The following KLHL1 variants were observed in gnomAD, a reference collection of about 807,000 sequenced individuals.
KLHL1 encodes kelch-like protein 1.
In KLHL1, 47 loss-of-function variants were observed where a neutral mutation model predicts 77.7. That is an observed-to-expected ratio of 0.60 (90% CI 0.48 to 0.77). KLHL1 has a LOEUF of 0.77. Among genes scored for constraint, KLHL1 ranks in the 30% least tolerant of loss-of-function variants. KLHL1 has a pLI of 0.00. For synonymous variants in KLHL1, 360 were observed against 325.2 expected, an observed-to-expected ratio of 1.11 and a Z score of -1.15; for missense variants, 925 against 910.8, an observed-to-expected ratio of 1.02 and a Z score of -0.20.
chr13:70,009,964 A>T (rs1885492593), intron 1 of KLHL1, among the ~76,000 whole-genome samples: 1 of 152,164 alleles, frequency 6.6e-6, no homozygotes, highest in African/African-American at 2.4e-5. Context: ...TCACATTTTA[A>T]GAGTAACCAA....
intron 5 of KLHL1, 39 bp downstream of exon 5, chr13:69,882,244 G>T: frequency 7.3e-7 from 1 of 1,367,694 alleles, no homozygotes; most frequent in Non-Finnish European, 1.0e-6. Context: ...GGGTTTTTCA[G>T]TACATTGAAT....
intron 3 of KLHL1, 130 bp downstream of exon 3, chr13:69,961,178 T>G (rs1317912812): frequency 2.7e-6 from 2 of 731,168 alleles, no homozygotes; most frequent in Non-Finnish European, 4.3e-6. Flanking sequence ...TGATTTTTGA[T>G]CTACTAGTTT....
At chr13:70,011,837 G>A (rs371081798) in intron 1 of KLHL1, among the ~76,000 whole-genome samples, 48 of 152,192 alleles carry the variant, frequency 3.2e-4, no homozygotes, top group South Asian at 6.2e-4. Context: ...TTTTCATGCC[G>A]TTGATAAAGA....
At chr13:69,703,595 A>G (rs1381008827) in intron 10 of KLHL1, among the ~76,000 whole-genome samples, 1 of 151,604 alleles carries the variant, frequency 6.6e-6, no homozygotes, top group Non-Finnish European at 1.5e-5. Flanking sequence ...ATTTTCACTC[A>G]TGACTCTGTC....
At chr13:69,876,101 A>T (rs1880753432) in intron 5 of KLHL1, among the ~76,000 whole-genome samples, 1 of 152,200 alleles carries the variant, frequency 6.6e-6, no homozygotes, top group South Asian at 2.1e-4. Flanking sequence ...AACACATTTA[A>T]CAGTGAGCAT....
intron 8 of KLHL1, among the ~76,000 whole-genome samples, chr13:69,728,473 G>C (rs1407724555): frequency 6.6e-6 from 1 of 151,754 alleles, no homozygotes; most frequent in Non-Finnish European, 1.5e-5. Context: ...AGTGTGCAGT[G>C]GCGCAATCTC....
intron 7 of KLHL1, among the ~76,000 whole-genome samples, chr13:69,771,597 C>A (rs896097122): frequency 1.3e-5 from 2 of 152,072 alleles, no homozygotes; most frequent in African/African-American, 4.8e-5. Flanking sequence ...TCACTTTAGC[C>A]GCTTCTAGTA....
chr13:69,807,736 G>A (rs1368761596), intron 6 of KLHL1, among the ~76,000 whole-genome samples: 1 of 152,132 alleles, frequency 6.6e-6, no homozygotes, highest in Non-Finnish European at 1.5e-5. Flanking sequence ...TGGTGTGTGT[G>A]GAGAGTGCCC....
chr13:69,757,957 CAAAAAAAAA>C (rs59302694), intron 7 of KLHL1, among the ~76,000 whole-genome samples: 16 of 73,116 alleles, frequency 2.2e-4, no homozygotes, highest in Non-Finnish European at 3.8e-4. Context: ...AACTCCATCT[CAAAAAAAAA>C]AAAAAAAAAA....
At chr13:70,011,210 T>C (rs1423339148) in intron 1 of KLHL1, among the ~76,000 whole-genome samples, 2 of 152,048 alleles carry the variant, frequency 1.3e-5, no homozygotes, top group African/African-American at 4.8e-5. Flanking sequence ...CCAAGAGATA[T>C]TGTTGTCTCA....
At position 70,094,691 on chromosome 13, in the gene KLHL1, A is replaced by G. The variant is rs192514148; in HGVS notation, c.497+12512T>C. On this transcript the variant is annotated intron_variant, in intron 1 of 10. Transcript: ENST00000377844. The stretch of plus-strand genomic sequence containing the variant: ...CTTAGGAGAAGATTACGGAACTTCA[A>G]TGCTTTTGTGGCAATTTCAATGTGG... 3.0e-4 allele frequency among the ~76,000 whole-genome samples: 45 copies of G among 152,192 alleles called. No homozygotes were observed. The East Asian group carries it at 6.0e-3, about 20-fold the overall frequency.
At chr13:69,775,131 A>G (rs1180956837) in intron 7 of KLHL1, among the ~76,000 whole-genome samples, 1 of 152,168 alleles carries the variant, frequency 6.6e-6, no homozygotes, top group Non-Finnish European at 1.5e-5. Flanking sequence ...TGAAACTAAT[A>G]GATAAGACAC....
At position 70,078,378 on chromosome 13, in the gene KLHL1, CTTAT is replaced by C. The variant is rs567646923; in HGVS notation, c.497+28821_497+28824del. Among the ~76,000 whole-genome samples the C allele has an allele frequency of 3.9e-5, 6 of 152,140 alleles. No individual in the cohort carries two copies. In the South Asian group the frequency reaches 6.2e-4, roughly 16 times the overall value. On this transcript the variant is annotated intron_variant, in intron 1 of 10. Transcript: ENST00000377844. Reference sequence around the variant, plus strand: ...TTACAAAATTAATGATGTTCAAAGACTTATTTAAATACCCCATTAGTTTTTTAAT... The same window carrying C: ...TTACAAAATTAATGATGTTCAAAGACTTAAATACCCCATTAGTTTTTTAAT...
intron 6 of KLHL1, among the ~76,000 whole-genome samples, chr13:69,831,613 C>A (rs1174738904): frequency 6.7e-6 from 1 of 149,834 alleles, no homozygotes; most frequent in East Asian, 1.9e-4. Context: ...ACTGCTATCA[C>A]CCTAATACCA....
chr13:70,017,534 C>T (rs762558014), intron 1 of KLHL1, among the ~76,000 whole-genome samples: 4 of 152,254 alleles, frequency 2.6e-5, no homozygotes, highest in Non-Finnish European at 5.9e-5. Context: ...CTCATCCACA[C>T]ACCCCTCACT....
intron 6 of KLHL1, among the ~76,000 whole-genome samples, chr13:69,826,332 C>A (rs1878546634): frequency 6.6e-6 from 1 of 152,164 alleles, no homozygotes; most frequent in African/African-American, 2.4e-5. Flanking sequence ...TGCCTGTAAT[C>A]CCGGCACTTT....
At chr13:69,909,952 T>G (rs2038492795) in intron 4 of KLHL1, among the ~76,000 whole-genome samples, 1 of 152,108 alleles carries the variant, frequency 6.6e-6, no homozygotes, top group African/African-American at 2.4e-5. Context: ...GATCCTTTCC[T>G]TTGTTGTTTC....
intron 1 of KLHL1, among the ~76,000 whole-genome samples, chr13:70,003,234 A>T (rs192347106): frequency 6.6e-6 from 1 of 151,882 alleles, no homozygotes; most frequent in East Asian, 1.9e-4. Flanking sequence ...ATCATATTCA[A>T]GCTTTTCCTT....
chr13:69,840,464 TC>T (rs1879202433), intron 5 of KLHL1, among the ~76,000 whole-genome samples: 1 of 151,952 alleles, frequency 6.6e-6, no homozygotes, highest in South Asian at 2.1e-4. Context: ...CCTCAGGTGA[TC>T]CACCCATCTC....
Sources: allele counts gnomAD v4.1 joint callset (sites outside exome capture counted in the v4.1 genomes callset), GRCh38; gene constraint gnomAD v4.1.1; transcripts MANE v1.5; gene names NCBI Gene and HGNC (gene_info 2026-07-23, HGNC 2026-07-21).